Variants in PPWD1 observed in about 807,000 individuals in gnomAD.
PPWD1 encodes the protein peptidylprolyl isomerase domain and WD repeat containing 1.
PPWD1 carries 43 observed loss-of-function variants against 68.8 expected under a neutral mutation model. The ratio of observed to expected loss-of-function variants is 0.62; its 90% CI spans 0.49 to 0.81. The LOEUF (loss-of-function observed/expected upper bound fraction) is 0.81. PPWD1 is among the 30% of genes least tolerant of loss of function. The probability of loss-of-function intolerance (pLI) is 0.00; values close to 1 mark genes in which losing one functional copy is unlikely to be tolerated. For synonymous variants in PPWD1, 232 were observed against 258.7 expected (o/e 0.90, Z 0.99); for missense variants, 672 against 804.8 (o/e 0.83, Z 2.00).
chr5:65,584,228 C>T (rs1753720906), intron 8 of PPWD1, among the ~76,000 whole-genome samples: 1 of 152,154 alleles, frequency 6.6e-6, no homozygotes, highest in Admixed American at 6.5e-5. Context: ...ACTTTAAGTG[C>T]TCAAAACCCA....
intron 7 of PPWD1, among the ~76,000 whole-genome samples, chr5:65,580,803 C>T (rs1213385835): frequency 1.3e-5 from 2 of 152,128 alleles, no homozygotes; most frequent in South Asian, 2.1e-4. Flanking sequence ...CGTGAGCCAC[C>T]GCACCCAGCC....
intron 2 of PPWD1, 74 bp from the exon 3 acceptor site, chr5:65,569,558 A>G: frequency 6.9e-7 from 1 of 1,443,202 alleles, no homozygotes; most frequent in Non-Finnish European, 9.3e-7. Context: ...TTCTTAGTGA[A>G]TGATTGCTTT....
intron 10 of PPWD1, among the ~76,000 whole-genome samples, 160 bp downstream of exon 10, chr5:65,586,341 C>T (rs1442624929): frequency 6.6e-6 from 1 of 152,086 alleles, no homozygotes. Flanking sequence ...AATTATGTGA[C>T]TAATCAGTTT....
Position 65,585,124 on chromosome 5 carries a change from A to G in PPWD1, c.1614+29A>G, listed in dbSNP as rs200281206. The G allele has an allele frequency of 2.2e-5, 34 of 1,559,832 alleles. No homozygotes were observed. The African/African-American group carries it at 3.4e-4, about 16-fold the overall frequency. ...AGTTACATAAATTTCATGTCATATA[A>G]GAAATACTGTATTATTACATAGCAA... On this transcript the variant is annotated intron_variant, in intron 9 of 10. Transcript: ENST00000261308.
intron 10 of PPWD1, chr5:65,587,045 C>T (rs1753880355): frequency 4.6e-6 from 1 of 215,878 alleles, no homozygotes; most frequent in Admixed American, 6.5e-5. Flanking sequence ...TTTAATTAAA[C>T]ATTATACTAT....
chr5:65,576,895 A>G lies in PPWD1; in HGVS notation c.986A>G (p.Gln329Arg). The G allele has an allele frequency of 1.2e-6, 2 of 1,614,118 alleles. No homozygotes were observed. The highest frequency in any genetic ancestry group is 1.7e-6 in the Non-Finnish European group (2 of 1,179,970). The change falls in exon 6 of 11, where the codon CAA becomes CGA. Residue 329 changes from glutamine (Q) to arginine (R), a missense_variant. Coordinates refer to ENST00000261308, the MANE Select transcript of PPWD1 (RefSeq NM_015342.4). ...DESLSMFTEL[Q>R]QMRQQLPDME... ...ATTTCCTAGATGTTTACTGAACTGC[A>G]ACAGATGAGGCAACAGTTACCAGAC...
chr5:65,576,547 T>G (rs1753290939), intron 5 of PPWD1, among the ~76,000 whole-genome samples: 1 of 152,022 alleles, frequency 6.6e-6, no homozygotes, highest in Non-Finnish European at 1.5e-5. Context: ...CGGCTAAGTT[T>G]TTATGTTTTT....
intron 4 of PPWD1, among the ~76,000 whole-genome samples, chr5:65,571,542 A>G (rs1753005942): frequency 6.6e-6 from 1 of 152,240 alleles, no homozygotes; most frequent in African/African-American, 2.4e-5. Flanking sequence ...CTTAAGGTCC[A>G]GATCTGATTA....
At chr5:65,578,762 A>ATATATATATACATATATATGTG (rs1341435491) in intron 6 of PPWD1, among the ~76,000 whole-genome samples, 4 of 68,408 alleles carry the variant, frequency 5.8e-5, no homozygotes, top group African/African-American at 2.1e-4. Flanking sequence ...ATATATGTGT[A>ATATATATATACATATATATGTG]TATATATATA....
chr5:65,568,931 A>G (rs752257452), intron 2 of PPWD1: 3 of 455,760 alleles, frequency 6.6e-6, no homozygotes, highest in South Asian at 4.6e-5. Flanking sequence ...ATGGAAGGTA[A>G]TACAGAGAAT....
intron 1 of PPWD1, chr5:65,563,938 G>A: frequency 1.8e-6 from 2 of 1,125,898 alleles, no homozygotes; most frequent in Non-Finnish European, 1.3e-6. Flanking sequence ...TGCTTATTTC[G>A]AATCATGGTA....
intron 8 of PPWD1, among the ~76,000 whole-genome samples, chr5:65,584,058 C>G (rs573318761): frequency 2.0e-5 from 3 of 152,304 alleles, no homozygotes; most frequent in African/African-American, 4.8e-5. Context: ...ATGTCAAATA[C>G]AGTAGAGTAT....
At chr5:65,570,285 A>C in intron 4 of PPWD1, 1 of 899,142 alleles carries the variant, frequency 1.1e-6, no homozygotes, top group East Asian at 1.2e-4. Flanking sequence ...GTCATATCTA[A>C]TTACTGGTAG....
At chr5:65,576,531 C>T (rs192697663) in intron 5 of PPWD1, 216 of 239,344 alleles carry the variant, frequency 9.0e-4, no homozygotes, top group African/African-American at 4.6e-3. Flanking sequence ...CACACATCAC[C>T]ATGCCCGGCT....
chr5:65,563,782 C>A, intron 1 of PPWD1: 11 of 1,489,688 alleles, frequency 7.4e-6, no homozygotes, highest in Non-Finnish European at 1.0e-5. Context: ...GTGTTTGGCT[C>A]CTCTCATTTA....
intron 1 of PPWD1, chr5:65,564,020 C>G (rs1011189186): frequency 1.9e-5 from 12 of 619,484 alleles, no homozygotes; most frequent in Non-Finnish European, 3.1e-5. Context: ...CGTAAGCTTC[C>G]TAGATCACAG....
Position 65,572,112 on chromosome 5 carries a change from G to T in PPWD1, c.795G>T (p.Trp265Cys). 6.2e-7 allele frequency: 1 copy of T among 1,613,854 alleles called. No homozygotes were observed. The highest frequency in any genetic ancestry group is 8.5e-7 in the Non-Finnish European group (1 of 1,179,848). Reference protein sequence around the residue: ...HEYKFPKNVNWEYKTDTDLYE... With the variant: ...HEYKFPKNVNCEYKTDTDLYE... ...ATAAATTCCCCAAAAATGTGAACTG[G>T]GAATATAAAACTGACACTGATTTAT... Residue 265 changes from tryptophan (W) to cysteine (C), a missense_variant, in exon 5 of 11, where the codon TGG becomes TGT. Physicochemically the swap from Trp to Cys is radical, Grantham distance 215 (BLOSUM62 -2). This residue lies in a region of PPWD1 where 484 missense variants were observed against 646.2 expected (regional missense o/e 0.75). Transcript: ENST00000261308.
At chr5:65,585,229 G>A (rs1753784145) in intron 9 of PPWD1, 134 bp downstream of exon 9, 1 of 834,826 alleles carries the variant, frequency 1.2e-6, no homozygotes, top group East Asian at 2.7e-5. Context: ...CACTATGGAA[G>A]CCAAAGGAGG....
At chr5:65,566,985 A>G (rs669571) in intron 1 of PPWD1, among the ~76,000 whole-genome samples, 94,081 of 151,720 alleles carry the variant, frequency 0.62, 29,441 homozygotes, top group South Asian at 0.65. Flanking sequence ...GTTCTCAGGC[A>G]TAAAAATCTA....
Sources: gnomAD v4.1 joint callset for allele counts (sites outside exome capture counted in the v4.1 genomes callset) on GRCh38, gnomAD v4.1.1 for gene constraint, gnomAD v4.1.1 regional missense constraint, MANE v1.5 for transcripts, NCBI Gene and HGNC (gene_info 2026-07-23, HGNC 2026-07-21) for gene names.